Variants in CDC25C observed in about 807,000 individuals in gnomAD.
CDC25C encodes cell division cycle 25C, also known as M-phase inducer phosphatase 3.
Under a neutral mutation model 52.5 loss-of-function variants are expected in CDC25C, and 48 were observed. The observed-to-expected ratio is 0.91, with a 90% CI of 0.72 to 1.16. The LOEUF (loss-of-function observed/expected upper bound fraction) is 1.16. Among genes scored for constraint, CDC25C ranks in the 50% most tolerant of loss-of-function variants. The probability of loss-of-function intolerance (pLI) is 0.00; values close to 1 mark genes in which losing one functional copy is unlikely to be tolerated. For synonymous variants in CDC25C, 187 were observed against 206.5 expected (o/e 0.91, Z 0.81); for missense variants, 510 against 566.1 (o/e 0.90, Z 1.01).
chr5:138,298,013 T>G (rs888849862), intron 7 of CDC25C, among the ~76,000 whole-genome samples: 2 of 151,658 alleles, frequency 1.3e-5, no homozygotes, highest in South Asian at 2.1e-4. Context: ...TTTTTTTTTT[T>G]CTTGAGACAG....
chr5:138,314,011 TGAGATGGAG>T (rs1758676303), intron 7 of CDC25C, among the ~76,000 whole-genome samples: 1 of 112,760 alleles, frequency 8.9e-6, no homozygotes, highest in Non-Finnish European at 2.0e-5. Flanking sequence ...TTTTTTTTTT[TGAGATGGAG>T]TCTTGCTCTG....
At chr5:138,287,915 A>C (rs1215041749) in intron 10 of CDC25C, among the ~76,000 whole-genome samples, 1 of 152,240 alleles carries the variant, frequency 6.6e-6, no homozygotes, top group Non-Finnish European at 1.5e-5. Context: ...AATAACTTCA[A>C]TATTCAATAA....
At position 138,288,554 on chromosome 5, in the gene CDC25C, G is replaced by C. The variant is rs116458728; in HGVS notation, c.927+947C>G. 7.0e-3 allele frequency among the ~76,000 whole-genome samples: 1,072 copies of C among 152,176 alleles called. 6 individuals carry two copies. The highest frequency in any genetic ancestry group is 0.024 in the African/African-American group (996 of 41,542). ...TCTACTAAAAATACAAAAATTAGTC[G>C]GTGTGATGGCTGGCACCTGTAATCC... is the stretch of plus-strand genomic sequence containing the variant. On this transcript the variant is annotated intron_variant, in intron 10 of 13. Coordinates refer to ENST00000323760, the MANE Select transcript of CDC25C (RefSeq NM_001790.5).
chr5:138,293,025 C>T (rs1756877476), intron 7 of CDC25C, among the ~76,000 whole-genome samples: 1 of 152,180 alleles, frequency 6.6e-6, no homozygotes, highest in Non-Finnish European at 1.5e-5. Context: ...GCTTGATGAT[C>T]AATGGTTTCT....
chr5:138,331,287 T>G (rs1760364897), intron 1 of CDC25C, 69 bp from the exon 2 acceptor site: 1 of 1,078,340 alleles, frequency 9.3e-7, no homozygotes, highest in African/African-American at 1.6e-5. Context: ...CCTCCACCCT[T>G]TCCAGCCAGG....
At chr5:138,330,876 AGACTTAAAGCCT>A in intron 2 of CDC25C, 99 bp downstream of exon 2, 1 of 730,614 alleles carries the variant, frequency 1.4e-6, no homozygotes, top group Non-Finnish European at 2.4e-6. Context: ...GGCAGAGTTG[AGACTTAAAGCCT>A]GACCTTTGAG....
rs972444553 is a variant in CDC25C, at chr5:138,310,204, A to C, written c.615+9015T>G. Among the ~76,000 whole-genome samples, 10 of 152,272 alleles carry C rather than the reference A, an allele frequency of 6.6e-5. No individual in the cohort carries two copies. In the East Asian group the frequency reaches 1.9e-3, roughly 29 times the overall value. On this transcript the variant is annotated intron_variant, in intron 7 of 13. Transcript: ENST00000323760. ...TGTTCATCCACCATTGGCAATCTTC[A>C]ACCCTTACTATCATCCCTGGAGTTC...
intron 7 of CDC25C, among the ~76,000 whole-genome samples, chr5:138,306,339 C>T (rs935727757): frequency 6.6e-6 from 1 of 152,054 alleles, no homozygotes; most frequent in African/African-American, 2.4e-5. Context: ...CAGTGCCTAG[C>T]ACACTTCCCA....
chr5:138,337,909 G>A (rs138572737), intron 1 of CDC25C: 1 of 1,253,706 alleles, frequency 8.0e-7, no homozygotes, highest in South Asian at 1.2e-5. Context: ...GGAGGCTGCA[G>A]TTGGGCCGTT....
At chr5:138,302,613 C>T (rs573662370) in intron 7 of CDC25C, among the ~76,000 whole-genome samples, 4 of 151,416 alleles carry the variant, frequency 2.6e-5, no homozygotes, top group African/African-American at 9.7e-5. Context: ...GCAGGAGAAT[C>T]GCTTGAACCC....
Position 138,287,157 on chromosome 5 carries a change from ATGTC to A in CDC25C, c.1026+8_1026+11del. On this transcript the variant is annotated splice_region_variant and intron_variant, in intron 11 of 13. Transcript: ENST00000323760. ...CAGCCCTCCCCTACTAATGGCCACA[ATGTC>A]GTCTCACCTGGATGTGTCCTCCCAG... The A allele has an allele frequency of 6.3e-7, 1 of 1,592,150 alleles. No homozygotes were observed. The highest frequency in any genetic ancestry group is 8.6e-7 in the Non-Finnish European group (1 of 1,160,110).
chr5:138,321,433 T>C (rs1474943345), intron 6 of CDC25C, among the ~76,000 whole-genome samples: 1 of 152,044 alleles, frequency 6.6e-6, no homozygotes, highest in Non-Finnish European at 1.5e-5. Context: ...CCCTCCATCC[T>C]AGAAACCAAA....
At position 138,315,975 on chromosome 5, in the gene CDC25C, A is replaced by G. The variant is rs1758837737; in HGVS notation, c.615+3244T>C. 2.6e-5 allele frequency among the ~76,000 whole-genome samples: 4 copies of G among 152,296 alleles called. No homozygotes were observed. The South Asian group carries it at 8.3e-4, about 32-fold the overall frequency. On this transcript the variant is annotated intron_variant, in intron 7 of 13. Transcript: ENST00000323760. Reference sequence around the variant, plus strand: ...GTGCTGCTGGAGCTACACAAACTGCAGCTGTTAACCTGGGCCTCCTGTTCC... The same window carrying G: ...GTGCTGCTGGAGCTACACAAACTGCGGCTGTTAACCTGGGCCTCCTGTTCC...
At chr5:138,327,890 G>A (rs1215902551) in intron 4 of CDC25C, among the ~76,000 whole-genome samples, 7 of 150,336 alleles carry the variant, frequency 4.7e-5, no homozygotes, top group African/African-American at 2.4e-5. Context: ...TTTCTGAGAC[G>A]GAGTCTCGCT....
intron 6 of CDC25C, among the ~76,000 whole-genome samples, chr5:138,321,832 C>T (rs1409115921): frequency 1.3e-5 from 2 of 149,772 alleles, no homozygotes; most frequent in African/African-American, 4.9e-5. Context: ...AATAGCTTTC[C>T]CTCAGGGTTG....
At chr5:138,335,696 G>T (rs548108771), upstream of CDC25C, among the ~76,000 whole-genome samples, 8 of 152,176 alleles carry the variant, frequency 5.3e-5, no homozygotes, top group East Asian at 9.6e-4. Context: ...GCTGCACTGG[G>T]AGGCCATTTT....
At chr5:138,296,068 A>G (rs1196992861) in intron 7 of CDC25C, among the ~76,000 whole-genome samples, 2 of 151,736 alleles carry the variant, frequency 1.3e-5, no homozygotes, top group African/African-American at 4.8e-5. Context: ...TGTCTGCACC[A>G]CTCTTCTGCT....
At chr5:138,308,787 A>G (rs1758226266) in intron 7 of CDC25C, among the ~76,000 whole-genome samples, 3 of 152,156 alleles carry the variant, frequency 2.0e-5, no homozygotes, top group Admixed American at 2.0e-4. Context: ...TTTAGTGTAT[A>G]TCAGAATTAC....
intron 4 of CDC25C, among the ~76,000 whole-genome samples, chr5:138,327,251 C>T (rs1310910351): frequency 6.9e-6 from 1 of 145,852 alleles, no homozygotes; most frequent in Non-Finnish European, 1.5e-5. Flanking sequence ...GAGACTCCAT[C>T]TCAAAAAAAA....
Sources: gnomAD v4.1 joint callset for allele counts (sites outside exome capture counted in the v4.1 genomes callset) on GRCh38, gnomAD v4.1.1 for gene constraint, MANE v1.5 for transcripts, NCBI Gene and HGNC (gene_info 2026-07-23, HGNC 2026-07-21) for gene names.